Variants in GADL1 observed in about 807,000 individuals in gnomAD.
GADL1 encodes the protein acidic amino acid decarboxylase GADL1.
GADL1 carries 71 observed loss-of-function variants against 69.5 expected under a neutral mutation model. That is an observed-to-expected ratio of 1.02 (90% CI 0.84 to 1.25). The LOEUF (loss-of-function observed/expected upper bound fraction) is 1.25, where lower values mean the gene tolerates loss of function less well. Among genes scored for constraint, GADL1 ranks in the 50% most tolerant of loss-of-function variants. GADL1 has a pLI of 0.00. For missense variants in GADL1, 737 were observed against 631.8 expected (o/e 1.17, Z -1.79); for synonymous variants, 254 against 214.4 (o/e 1.18, Z -1.62).
intron 14 of GADL1, among the ~76,000 whole-genome samples, chr3:30,728,908 T>C (rs1336634756): frequency 6.6e-6 from 1 of 152,106 alleles, no homozygotes; most frequent in Non-Finnish European, 1.5e-5. Flanking sequence ...TCCAGTTGTC[T>C]ACCAAGAAAA....
At chr3:30,734,012 T>C (rs557480228) in intron 14 of GADL1, among the ~76,000 whole-genome samples, 1 of 152,144 alleles carries the variant, frequency 6.6e-6, no homozygotes, top group South Asian at 2.1e-4. Context: ...TGATTAACCA[T>C]CTGAGAAAAG....
At chr3:30,829,677 G>C (rs1009949807) in intron 11 of GADL1, among the ~76,000 whole-genome samples, 3 of 151,856 alleles carry the variant, frequency 2.0e-5, no homozygotes, top group South Asian at 4.2e-4. Flanking sequence ...AGATACTTCT[G>C]AGGATGATTA....
Position 30,727,633 on chromosome 3 carries a change from G to A in GADL1, c.*609C>T, listed in dbSNP as rs191998786. The A allele has an allele frequency of 6.6e-6, 1 of 152,210 alleles. No homozygotes were observed. The highest frequency in any genetic ancestry group is 2.4e-5 in the African/African-American group (1 of 41,530). 9.4% of individuals were successfully genotyped at this position (152,210 alleles called of 1,614,324 possible). A position where few individuals can be genotyped will look rare whatever the true frequency, so the allele number is the denominator to read the frequency against. On this transcript the variant is annotated 3_prime_UTR_variant, in exon 15 of 15. Transcript: ENST00000282538. The stretch of plus-strand genomic sequence containing the variant: ...GTATTTTTTCAAAGACTGGCTCAGA[G>A]GCTTCTGAAATATTAGATATCCCTT...
intron 9 of GADL1, 56 bp from the exon 10 acceptor site, chr3:30,834,337 A>C: frequency 3.4e-6 from 5 of 1,461,576 alleles, no homozygotes; most frequent in Non-Finnish European, 4.8e-6. Flanking sequence ...TTTGTTTACC[A>C]GTGGGTTGTC....
intron 13 of GADL1, among the ~76,000 whole-genome samples, chr3:30,785,186 TTTA>T (rs1304351489): frequency 6.6e-6 from 1 of 152,042 alleles, no homozygotes; most frequent in Admixed American, 6.6e-5. Context: ...ATGAACATGT[TTTA>T]TTGTTTTAAG....
chr3:30,838,530 C>T (rs1011990291), intron 9 of GADL1, among the ~76,000 whole-genome samples: 1 of 151,966 alleles, frequency 6.6e-6, no homozygotes, highest in Non-Finnish European at 1.5e-5. Context: ...AGCTTTTTTG[C>T]ATTTTCCAGC....
chr3:30,783,842 A>ACG (rs2125498606), intron 13 of GADL1, among the ~76,000 whole-genome samples: 1 of 152,302 alleles, frequency 6.6e-6, no homozygotes, highest in East Asian at 1.9e-4. Flanking sequence ...TTTCCTAATG[A>ACG]CGATGGTAAG....
intron 11 of GADL1, among the ~76,000 whole-genome samples, chr3:30,815,699 T>C (rs1697455983): frequency 6.6e-6 from 1 of 152,232 alleles, no homozygotes; most frequent in Non-Finnish European, 1.5e-5. Flanking sequence ...GCATTACTAC[T>C]TCATTTTGTA....
rs1696586050 is a variant in GADL1, at chr3:30,778,312, C to T, written c.1303-44G>A. 9 of 1,219,928 alleles carry T rather than the reference C, an allele frequency of 7.4e-6. No homozygotes were observed. In the East Asian group the frequency reaches 1.9e-4, roughly 25 times the overall value. 75.6% of individuals were successfully genotyped at this position (1,219,928 alleles called of 1,614,324 possible). ...ATAAAGTTGTTATCTTAAGATTTATCTTAGAATGCAATGAAATACTTTTAA... is the reference window on the plus strand; with the variant it reads ...ATAAAGTTGTTATCTTAAGATTTATTTTAGAATGCAATGAAATACTTTTAA... On this transcript the variant is annotated intron_variant, in intron 13 of 14. Coordinates refer to ENST00000282538, the MANE Select transcript of GADL1 (RefSeq NM_207359.3).
chr3:30,888,762 A>T (rs193138796), intron 1 of GADL1, among the ~76,000 whole-genome samples: 90 of 152,198 alleles, frequency 5.9e-4, no homozygotes, highest in African/African-American at 2.0e-3. Flanking sequence ...TTAAAAATGA[A>T]GTAGGGCTTT....
intron 1 of GADL1, among the ~76,000 whole-genome samples, chr3:30,886,933 G>A (rs922269692): frequency 1.3e-5 from 2 of 152,162 alleles, no homozygotes; most frequent in Non-Finnish European, 2.9e-5. Flanking sequence ...ACAGCAGCAC[G>A]TACAGAATGA....
intron 11 of GADL1, among the ~76,000 whole-genome samples, chr3:30,824,903 A>C (rs9310949): frequency 0.27 from 40,195 of 151,654 alleles, 6,295 homozygotes; most frequent in African/African-American, 0.42. Context: ...CATTTATTTT[A>C]TGCATGTTTT....
chr3:30,805,873 CAT>C (rs1697244798), intron 11 of GADL1, among the ~76,000 whole-genome samples: 2 of 151,108 alleles, frequency 1.3e-5, no homozygotes, highest in African/African-American at 2.4e-5. Context: ...ATTAGAGTCT[CAT>C]AAGAATCACG....
intron 12 of GADL1, among the ~76,000 whole-genome samples, chr3:30,797,098 T>C (rs532506067): frequency 1.3e-5 from 2 of 152,338 alleles, no homozygotes; most frequent in Non-Finnish European, 2.9e-5. Context: ...ATCAGGAGTT[T>C]AAAGTGGGCT....
rs376149519 is a variant in GADL1, at chr3:30,789,211, A to C, written c.1251-2805T>G. 6.6e-5 allele frequency among the ~76,000 whole-genome samples: 10 copies of C among 152,344 alleles called. No homozygotes were observed. In the East Asian group the frequency reaches 1.2e-3, roughly 18 times the overall value. On this transcript the variant is annotated intron_variant, in intron 12 of 14. Transcript: ENST00000282538. ...GCTGTAAAATGAATGTTGTGTTAGCAAGCATGGAAACAATATTAATCTCCT... is the reference window on the plus strand; with the variant it reads ...GCTGTAAAATGAATGTTGTGTTAGCCAGCATGGAAACAATATTAATCTCCT...
intron 14 of GADL1, among the ~76,000 whole-genome samples, chr3:30,750,408 T>C (rs1055980267): frequency 6.6e-6 from 1 of 152,106 alleles, no homozygotes; most frequent in Non-Finnish European, 1.5e-5. Context: ...GTGGCACAAG[T>C]GGGTATGATG....
At chr3:30,804,642 T>A (rs1196637462) in intron 11 of GADL1, among the ~76,000 whole-genome samples, 2 of 152,202 alleles carry the variant, frequency 1.3e-5, no homozygotes, top group Non-Finnish European at 2.9e-5. Context: ...TTATTTCTAA[T>A]GTTTTCTTAG....
intron 1 of GADL1, among the ~76,000 whole-genome samples, chr3:30,864,297 C>T (rs1559364442): frequency 6.6e-6 from 1 of 151,480 alleles, no homozygotes; most frequent in African/African-American, 2.4e-5. Context: ...CTTTTATTAC[C>T]CAGGGAATAA....
chr3:30,779,703 G>C (rs1295200344), intron 13 of GADL1, among the ~76,000 whole-genome samples: 1 of 152,134 alleles, frequency 6.6e-6, no homozygotes, highest in East Asian at 1.9e-4. Context: ...TACCTGACTA[G>C]AAAGTAGAAG....
Sources: gnomAD v4.1 joint callset for allele counts (sites outside exome capture counted in the v4.1 genomes callset) on GRCh38, gnomAD v4.1.1 for gene constraint, MANE v1.5 for transcripts, NCBI Gene and HGNC (gene_info 2026-07-23, HGNC 2026-07-21) for gene names.